The following SHISA9 variants were observed in gnomAD, a reference collection of about 807,000 sequenced individuals.
The protein encoded by SHISA9 is protein shisa-9.
SHISA9 carries 13 observed loss-of-function variants against 38.0 expected under a neutral mutation model. That is an observed-to-expected ratio of 0.34 (90% CI 0.22 to 0.54). SHISA9 has a LOEUF of 0.54. SHISA9 is among the 20% of genes least tolerant of loss of function. The pLI is 0.91. For synonymous variants in SHISA9, 275 were observed against 242.0 expected (o/e 1.14, Z -1.27); for missense variants, 538 against 575.8 (o/e 0.93, Z 0.67).
At chr16:13,019,961 C>CCTTCCTTCCT (rs2072828866) in intron 2 of SHISA9, among the ~76,000 whole-genome samples, 5 of 33,028 alleles carry the variant, frequency 1.5e-4, no homozygotes, top group Non-Finnish European at 2.5e-4. Flanking sequence ...CTTTCTTTCC[C>CCTTCCTTCCT]TCCTTCTTTC....
At chr16:13,282,887 T>C in the SHISA9 span, among the ~76,000 whole-genome samples, 5 of 152,174 alleles carry the variant, frequency 3.3e-5, no homozygotes, top group Admixed American at 3.3e-4. Flanking sequence ...TGTCCACTCA[T>C]TAAGATTACA....
chr16:13,196,874 A>G (rs1385868241), intron 2 of SHISA9, among the ~76,000 whole-genome samples: 1 of 152,194 alleles, frequency 6.6e-6, no homozygotes, highest in East Asian at 1.9e-4. Flanking sequence ...CAGGCAGGTC[A>G]CCTGAGGTCA....
chr16:13,152,995 G>A (rs2050512867), intron 2 of SHISA9, among the ~76,000 whole-genome samples: 1 of 152,154 alleles, frequency 6.6e-6, no homozygotes, highest in Admixed American at 6.5e-5. Context: ...ACAGAGTGAT[G>A]TAATTAGCCA....
the SHISA9 span, among the ~76,000 whole-genome samples, chr16:13,412,307 T>C: frequency 3.3e-5 from 5 of 151,926 alleles, no homozygotes; most frequent in Admixed American, 2.6e-4. Flanking sequence ...GGGCTGGGAG[T>C]AGGGAGGGCT....
the SHISA9 span, among the ~76,000 whole-genome samples, chr16:13,442,191 G>C: frequency 2.0e-5 from 3 of 152,114 alleles, no homozygotes; most frequent in African/African-American, 7.2e-5. Context: ...ATGTTTCTTT[G>C]CTTGTTTTGG....
Position 13,024,165 on chromosome 16 carries a change from G to T in SHISA9, c.691+107350G>T, listed in dbSNP as rs1277200613. Among the ~76,000 whole-genome samples the T allele has an allele frequency of 3.3e-5, 5 of 152,238 alleles. No homozygotes were observed. The East Asian group carries it at 9.6e-4, about 29-fold the overall frequency. On this transcript the variant is annotated intron_variant, in intron 2 of 4. Transcript: ENST00000558583. ...CAGAGAAGGTATACAGGTAGCTCAA[G>T]CACCTACAGAACAAATTGAGCCCAG...
chr16:13,071,576 C>T (rs897709360), intron 2 of SHISA9, among the ~76,000 whole-genome samples: 1 of 137,036 alleles, frequency 7.3e-6, no homozygotes. Context: ...TTCCTCCCTT[C>T]CTCCCTTCCT....
the SHISA9 span, among the ~76,000 whole-genome samples, chr16:13,418,500 C>T: frequency 6.6e-6 from 1 of 152,114 alleles, no homozygotes; most frequent in Non-Finnish European, 1.5e-5. Context: ...GCTGAAGTGG[C>T]TGGAACACTT....
chr16:13,556,766 GAAAAATA>G, the SHISA9 span, among the ~76,000 whole-genome samples: 1 of 151,504 alleles, frequency 6.6e-6, no homozygotes. Flanking sequence ...AAAATATTCT[GAAAAATA>G]AAAAATAAAA....
intron 2 of SHISA9, among the ~76,000 whole-genome samples, chr16:13,152,534 G>A (rs1032908360): frequency 6.6e-6 from 1 of 152,152 alleles, no homozygotes; most frequent in East Asian, 1.9e-4. Context: ...CAGAGTTCTG[G>A]AACTAGCATA....
chr16:13,371,135 A>G, the SHISA9 span, among the ~76,000 whole-genome samples: 1 of 152,218 alleles, frequency 6.6e-6, no homozygotes, highest in Non-Finnish European at 1.5e-5. Flanking sequence ...AGAGGAGAAA[A>G]TGGAGGCAGT....
intron 1 of SHISA9, among the ~76,000 whole-genome samples, chr16:12,913,113 TAAAA>T (rs1056825633): frequency 6.6e-6 from 1 of 152,216 alleles, no homozygotes; most frequent in Non-Finnish European, 1.5e-5. Flanking sequence ...AAGTGTACTT[TAAAA>T]AAGTATAGTG....
the SHISA9 span, among the ~76,000 whole-genome samples, chr16:13,538,453 GC>G: frequency 6.6e-6 from 1 of 152,118 alleles, no homozygotes; most frequent in Non-Finnish European, 1.5e-5. Context: ...ACATCTTAGA[GC>G]TTGTCATAAA....
At chr16:13,408,927 G>A in the SHISA9 span, among the ~76,000 whole-genome samples, 2 of 152,188 alleles carry the variant, frequency 1.3e-5, no homozygotes, top group Non-Finnish European at 2.9e-5. Flanking sequence ...CCTCAAGCCT[G>A]GATACCCATG....
At chr16:13,511,960 A>C in the SHISA9 span, among the ~76,000 whole-genome samples, 2 of 152,134 alleles carry the variant, frequency 1.3e-5, no homozygotes, top group Admixed American at 6.6e-5. Context: ...AAAAGTTCCT[A>C]TTCCTGCCAG....
At chr16:12,969,722 G>A (rs1478055077) in intron 2 of SHISA9, among the ~76,000 whole-genome samples, 2 of 152,088 alleles carry the variant, frequency 1.3e-5, no homozygotes, top group African/African-American at 2.4e-5. Context: ...ACTCTAGCCT[G>A]GGAGACAGAG....
chr16:13,411,510 G>A, the SHISA9 span, among the ~76,000 whole-genome samples: 1 of 152,226 alleles, frequency 6.6e-6, no homozygotes, highest in African/African-American at 2.4e-5. Context: ...TTCATCTAAA[G>A]GCTAGCAGTC....
chr16:13,300,269 TG>T, the SHISA9 span, among the ~76,000 whole-genome samples: 1 of 152,062 alleles, frequency 6.6e-6, no homozygotes, highest in Admixed American at 6.6e-5. Context: ...CATTTCTGAG[TG>T]GGATACTATG....
chr16:13,522,332 A>C, the SHISA9 span, among the ~76,000 whole-genome samples: 5 of 152,354 alleles, frequency 3.3e-5, no homozygotes, highest in African/African-American at 1.2e-4. Flanking sequence ...TTCTGAGTTA[A>C]CATGGAAGAA....
Sources: gnomAD v4.1 joint callset for allele counts (sites outside exome capture counted in the v4.1 genomes callset) on GRCh38, gnomAD v4.1.1 for gene constraint, MANE v1.5 for transcripts, NCBI Gene and HGNC (gene_info 2026-07-23, HGNC 2026-07-21) for gene names.